Variants in DSC2 observed in about 807,000 individuals in gnomAD.
The protein encoded by DSC2 is desmocollin 2.
A neutral mutation model predicts 87.6 loss-of-function variants in DSC2; 51 were observed. The ratio of observed to expected loss-of-function variants is 0.58; its 90% CI spans 0.46 to 0.74. DSC2 has a LOEUF of 0.74. Ranked by LOEUF, DSC2 falls within the 30% of genes least tolerant of loss-of-function variation. The pLI is 0.00. For missense variants in DSC2, 1,066 were observed against 1,089.5 expected, an observed-to-expected ratio of 0.98 and a Z score of 0.30; for synonymous variants, 383 against 393.2, an observed-to-expected ratio of 0.97 and a Z score of 0.31.
rs1987585193 is a variant in DSC2 at position 31,091,160 on chromosome 18, G to C, written c.355-13C>G. ...TTTTCTTTAGGACCTCAATTCATAA[G>C]ACAGGAAAAAATAATAAAGTCAATG... On this transcript the variant is annotated splice_polypyrimidine_tract_variant and intron_variant, in intron 3 of 15. Transcript: ENST00000280904. The C allele has an allele frequency of 6.2e-7, 1 of 1,613,346 alleles. No homozygotes were observed. The highest frequency in any genetic ancestry group is 1.7e-5 in the Admixed American group (1 of 59,934).
In DSC2 at chr18:31,063,185, A is replaced by C. The variant is rs1020956233; in HGVS notation, c.*4830T>G. 2.0e-5 allele frequency: 3 copies of C among 151,568 alleles called. No individual in the cohort carries two copies. The highest frequency in any genetic ancestry group is 7.3e-5 in the African/African-American group (3 of 41,220). The allele number at this position is 151,568 out of a possible 1,614,324, so 9.4% of individuals were successfully genotyped here. The stretch of plus-strand genomic sequence containing the variant: ...TTCTCTGCTAAAAATACAAAAATTA[A>C]CCAGGCGTGGTGGTAGGTGCCTGTA... On this transcript the variant is annotated 3_prime_UTR_variant, in exon 16 of 16. Coordinates refer to ENST00000280904, the MANE Select transcript of DSC2 (RefSeq NM_024422.6).
At chr18:31,082,098 T>C (rs971841289) in intron 9 of DSC2, 140 bp downstream of exon 9, 35 of 759,782 alleles carry the variant, frequency 4.6e-5, no homozygotes, top group Middle Eastern at 3.9e-4. Flanking sequence ...CTTTCCATTG[T>C]ATATGAAGAA....
At chr18:31,084,491 T>A (rs1490796668) in intron 7 of DSC2, among the ~76,000 whole-genome samples, 2 of 152,094 alleles carry the variant, frequency 1.3e-5, no homozygotes, top group African/African-American at 2.4e-5. Context: ...TAAAAGGTTG[T>A]AGGCAACTGA....
chr18:31,068,180 G>C lies in DSC2; in HGVS notation c.2541C>G (p.His847Gln). ...KVYLCNQDEN[H>Q]KHAQDYVLTY... ...TCAGGACATAGTCTTGGGCATGCTT[G>C]TGATTTTCATCTTGATTACACAGAT... is the stretch of plus-strand genomic sequence containing the variant. The change falls in exon 16 of 16, where the codon CAC (histidine) becomes CAG (glutamine). Residue 847 changes from histidine (H) to glutamine (Q), a missense_variant. Transcript: ENST00000280904. The C allele has an allele frequency of 6.2e-7, 1 of 1,614,066 alleles. No homozygotes were observed. The highest frequency in any genetic ancestry group is 2.2e-5 in the East Asian group (1 of 44,862).
At chr18:31,083,948 A>G (rs1418105311) in intron 7 of DSC2, among the ~76,000 whole-genome samples, 1 of 152,174 alleles carries the variant, frequency 6.6e-6, no homozygotes, top group African/African-American at 2.4e-5. Flanking sequence ...TTCCAACTCC[A>G]AAAATAAGAG....
intron 12 of DSC2, among the ~76,000 whole-genome samples, chr18:31,072,653 A>G (rs924505922): frequency 2.0e-5 from 3 of 152,340 alleles, no homozygotes; most frequent in Non-Finnish European, 4.4e-5. Flanking sequence ...AAAAAAATTT[A>G]GAAGCCAATA....
chr18:31,077,064 A>G (rs1393837523), intron 11 of DSC2, among the ~76,000 whole-genome samples: 1 of 152,182 alleles, frequency 6.6e-6, no homozygotes, highest in Non-Finnish European at 1.5e-5. Flanking sequence ...ACATTCCACA[A>G]TTGAAAAAAA....
Position 31,091,159 on chromosome 18 carries a change from A to C in DSC2, c.355-12T>G. On this transcript the variant is annotated splice_polypyrimidine_tract_variant and intron_variant, in intron 3 of 15. Transcript: ENST00000280904. ...CTTTTCTTTAGGACCTCAATTCATA[A>C]GACAGGAAAAAATAATAAAGTCAAT... The C allele has an allele frequency of 1.2e-6, 2 of 1,613,642 alleles. No individual in the cohort carries two copies. The highest frequency in any genetic ancestry group is 1.7e-6 in the Non-Finnish European group (2 of 1,179,698).
At chr18:31,079,791 A>G in intron 11 of DSC2, 56 bp downstream of exon 11, 1 of 1,603,536 alleles carries the variant, frequency 6.2e-7, no homozygotes, top group South Asian at 1.1e-5. Context: ...TGGCTTAAAC[A>G]CTGAAGATGT....
chr18:31,098,523 C>T (rs529632629), intron 1 of DSC2, among the ~76,000 whole-genome samples: 5 of 152,058 alleles, frequency 3.3e-5, no homozygotes, highest in South Asian at 2.1e-4. Context: ...GGTGCGATCT[C>T]GGTTCACTGA....
intron 1 of DSC2, chr18:31,101,381 C>T (rs1369971315): frequency 4.4e-6 from 3 of 681,424 alleles, no homozygotes; most frequent in Non-Finnish European, 5.4e-6. Context: ...GGCCGCCCAG[C>T]GGTTCCCCTT....
chr18:31,076,990 C>G (rs1233253298), intron 11 of DSC2, among the ~76,000 whole-genome samples: 1 of 152,048 alleles, frequency 6.6e-6, no homozygotes, highest in Non-Finnish European at 1.5e-5. Flanking sequence ...CAAAGTGTCA[C>G]TTAAGTATGA....
At chr18:31,075,864 G>GAAAGA (rs141369078) in intron 11 of DSC2, among the ~76,000 whole-genome samples, 17 of 151,904 alleles carry the variant, frequency 1.1e-4, no homozygotes, top group African/African-American at 1.9e-4. Context: ...ACGAAAAAAA[G>GAAAGA]AAAGAAAAGA....
At chr18:31,101,504 G>GC (rs1987950120) in intron 1 of DSC2, 1 of 65,720 alleles carries the variant, frequency 1.5e-5, no homozygotes, top group Admixed American at 2.0e-4. Flanking sequence ...GGTGCCAGAG[G>GC]CCAGCTGGAC....
Position 31,087,660 on chromosome 18 carries a change from G to C in DSC2, c.775+9C>G. The C allele has an allele frequency of 6.2e-7, 1 of 1,610,102 alleles. No individual in the cohort carries two copies. Among genetic ancestry groups the C allele is most frequent in the Non-Finnish European group, 8.5e-7 (1 of 1,179,062 alleles). On this transcript the variant is annotated intron_variant, in intron 6 of 15. Transcript: ENST00000280904. The stretch of plus-strand genomic sequence containing the variant: ...TAATTTGCCATATATTGTTTAAGGA[G>C]GTACTCACCCACTCTGCAATTTTCA...
chr18:31,083,024 C>G lies in DSC2; in HGVS notation c.979G>C (p.Asp327His). The change falls in exon 8 of 16, where the codon GAC becomes CAC. Residue 327 changes from aspartate to histidine, a missense_variant. Transcript: ENST00000280904. ...AGACCAAAATACTGACCATCCATGT[C>G]TTGTACTTTTATTTTCAACTGGTAC... ...DKYQLKIKVQ[D>H]MDGQYFGLQT... 1 of 1,612,978 alleles carries G rather than the reference C, an allele frequency of 6.2e-7. No homozygotes were observed. Among genetic ancestry groups the G allele is most frequent in the Non-Finnish European group, 8.5e-7 (1 of 1,179,728 alleles).
In DSC2 at chr18:31,082,934, G is replaced by A. The variant is rs879255385; in HGVS notation, c.1069C>T (p.Arg357Cys). 1.2e-5 allele frequency: 19 copies of A among 1,613,112 alleles called. No homozygotes were observed. Among genetic ancestry groups the A allele is most frequent in the Admixed American group, 5.0e-5 (3 of 59,974 alleles). Residue 357 changes from arginine to cysteine, a missense_variant, in exon 8 of 16, where the codon CGT becomes TGT. Coordinates refer to ENST00000280904, the MANE Select transcript of DSC2 (RefSeq NM_024422.6). ...DVNDHLPTFT[R>C]TSYVTSVEEN... The stretch of plus-strand genomic sequence containing the variant: ...TAATATCATACACTTACAGAAGTAC[G>A]AGTAAATGTTGGCAAGTGGTCATTT...
intron 11 of DSC2, among the ~76,000 whole-genome samples, chr18:31,075,665 A>C (rs1267550029): frequency 1.3e-5 from 2 of 152,186 alleles, no homozygotes; most frequent in African/African-American, 4.8e-5. Flanking sequence ...AGCCTGACCA[A>C]CATGGAGAAA....
At chr18:31,087,189 T>C (rs1987427447) in intron 6 of DSC2, among the ~76,000 whole-genome samples, 1 of 152,216 alleles carries the variant, frequency 6.6e-6, no homozygotes, top group South Asian at 2.1e-4. Context: ...TTCACAGGGC[T>C]GAGAAAATGT....
Sources: gnomAD v4.1 joint callset for allele counts (sites outside exome capture counted in the v4.1 genomes callset) on GRCh38, gnomAD v4.1.1 for gene constraint, MANE v1.5 for transcripts, NCBI Gene and HGNC (gene_info 2026-07-23, HGNC 2026-07-21) for gene names.